SV2C: variants seen among roughly 807,000 people sequenced by gnomAD.
The protein encoded by SV2C is synaptic vesicle glycoprotein 2C, also known as solute carrier family 22 member B3.
Under a neutral mutation model 79.7 loss-of-function variants are expected in SV2C, and 49 were observed. The ratio of observed to expected loss-of-function variants is 0.61; its 90% CI spans 0.49 to 0.78. The LOEUF (loss-of-function observed/expected upper bound fraction) is 0.78, where lower values mean the gene tolerates loss of function less well. Among genes scored for constraint, SV2C ranks in the 30% least tolerant of loss-of-function variants. The pLI is 0.00. For synonymous variants in SV2C, 334 were observed against 333.2 expected, an observed-to-expected ratio of 1.00 and a Z score of -0.03; for missense variants, 833 against 912.9, an observed-to-expected ratio of 0.91 and a Z score of 1.13.
chr5:75,913,464 G>A, the SV2C span, among the ~76,000 whole-genome samples: 3 of 152,206 alleles, frequency 2.0e-5, no homozygotes, highest in African/African-American at 2.4e-5. Context: ...GCTGGAAAGC[G>A]GGGAAATGAT....
chr5:76,240,987 A>T (rs1745767246), intron 4 of SV2C, among the ~76,000 whole-genome samples: 1 of 151,874 alleles, frequency 6.6e-6, no homozygotes, highest in African/African-American at 2.4e-5. Flanking sequence ...ATGGAGTCTC[A>T]CTCTGTCACC....
intron 4 of SV2C, among the ~76,000 whole-genome samples, chr5:76,278,694 A>G (rs115858579): frequency 1.6e-3 from 237 of 152,370 alleles, no homozygotes; most frequent in African/African-American, 5.4e-3. Flanking sequence ...CAAGCCAGTT[A>G]GAGGACCAGC....
chr5:75,902,177 TTGTCGCTCACGCTGGGAGC>T, the SV2C span, among the ~76,000 whole-genome samples: 1 of 152,146 alleles, frequency 6.6e-6, no homozygotes, highest in Non-Finnish European at 1.5e-5. Flanking sequence ...CCCGTCTTCT[TTGTCGCTCACGCTGGGAGC>T]TGTGGACCGG....
intron 4 of SV2C, among the ~76,000 whole-genome samples, chr5:76,251,296 G>A (rs766529686): frequency 3.9e-5 from 6 of 152,100 alleles, no homozygotes; most frequent in Non-Finnish European, 5.9e-5. Context: ...TAATCCCAGC[G>A]CTTTGGGAGA....
At chr5:75,997,380 A>AC in the SV2C span, among the ~76,000 whole-genome samples, 1 of 151,536 alleles carries the variant, frequency 6.6e-6, no homozygotes, top group Non-Finnish European at 1.5e-5. Flanking sequence ...CAGCAAAAAA[A>AC]CCTACCATCA....
chr5:76,021,321 G>T, the SV2C span, among the ~76,000 whole-genome samples: 3 of 152,178 alleles, frequency 2.0e-5, no homozygotes, highest in Admixed American at 6.6e-5. Flanking sequence ...AAACTTGAAT[G>T]TGTGCATTAT....
the SV2C span, among the ~76,000 whole-genome samples, chr5:75,972,465 T>A: frequency 1.3e-5 from 2 of 151,696 alleles, no homozygotes; most frequent in African/African-American, 4.9e-5. Context: ...TACAAAGAAC[T>A]CAAACAAATT....
In SV2C at chr5:76,230,813, G is replaced by GA. The variant is rs70979386; in HGVS notation, c.913+20929dup. Among the ~76,000 whole-genome samples, 351 of 151,842 alleles carry GA rather than the reference G, an allele frequency of 2.3e-3. 2 individuals carry two copies. Among genetic ancestry groups the GA allele is most frequent in the Non-Finnish European group, 3.9e-3 (263 of 67,968 alleles). ...CAGAAGAAAAAAAAAGAAAAGAAAA[G>GA]AAAGAAAGGCAAGAAAGTAAGAAAA... On this transcript the variant is annotated intron_variant, in intron 4 of 12. Coordinates refer to ENST00000502798, the MANE Select transcript of SV2C (RefSeq NM_014979.4).
At chr5:75,967,566 G>A in the SV2C span, among the ~76,000 whole-genome samples, 14 of 152,216 alleles carry the variant, frequency 9.2e-5, no homozygotes, top group Non-Finnish European at 1.3e-4. Context: ...ACAGAGCCTC[G>A]CCCACTGCTA....
At chr5:76,065,710 T>G in the SV2C span, among the ~76,000 whole-genome samples, 2 of 152,218 alleles carry the variant, frequency 1.3e-5, no homozygotes, top group African/African-American at 4.8e-5. Flanking sequence ...TTTATGTTAT[T>G]AGAAACTGTC....
At position 76,245,930 on chromosome 5, in the gene SV2C, GTGTGTA is replaced by G. The variant is rs139878064; in HGVS notation, c.913+36049_913+36054del. On this transcript the variant is annotated intron_variant, in intron 4 of 12. Coordinates refer to ENST00000502798, the MANE Select transcript of SV2C (RefSeq NM_014979.4). Reference sequence around the variant, plus strand: ...CAGGGGAGTGTGTGTGTGTGTGTGTGTGTGTATGTGTGTGTGTGTGTGTGTGTGTGT... The same window carrying G: ...CAGGGGAGTGTGTGTGTGTGTGTGTGTGTGTGTGTGTGTGTGTGTGTGTGT... Among the ~76,000 whole-genome samples the G allele has an allele frequency of 9.1e-5, 13 of 142,568 alleles. No homozygotes were observed. The East Asian group carries it at 1.8e-3, about 19-fold the overall frequency. The allele number at this position is 142,568 out of a possible 152,430, so 93.5% of individuals were successfully genotyped here.
chr5:76,270,770 T>G (rs1049129694), intron 4 of SV2C, among the ~76,000 whole-genome samples: 3 of 151,116 alleles, frequency 2.0e-5, no homozygotes, highest in African/African-American at 7.4e-5. Context: ...TTATTTATTT[T>G]TATTATTTTT....
intron 4 of SV2C, among the ~76,000 whole-genome samples, chr5:76,218,015 A>G (rs1744953993): frequency 6.6e-6 from 1 of 152,208 alleles, no homozygotes; most frequent in Non-Finnish European, 1.5e-5. Context: ...TATGGGCAGC[A>G]CCAGAGCCAA....
intron 2 of SV2C, among the ~76,000 whole-genome samples, chr5:76,150,585 C>G (rs1300531928): frequency 6.6e-6 from 1 of 151,000 alleles, no homozygotes; most frequent in Non-Finnish European, 1.5e-5. Context: ...AGAAAGCACA[C>G]CAGCAGTGGC....
intron 2 of SV2C, among the ~76,000 whole-genome samples, chr5:76,191,754 C>G (rs1392949946): frequency 6.6e-6 from 1 of 152,164 alleles, no homozygotes; most frequent in Non-Finnish European, 1.5e-5. Flanking sequence ...AGACTAAGAG[C>G]CTGGACTGGC....
chr5:76,002,253 G>T, the SV2C span, among the ~76,000 whole-genome samples: 2 of 152,026 alleles, frequency 1.3e-5, no homozygotes, highest in Non-Finnish European at 2.9e-5. Context: ...TTTTGCAATT[G>T]TGAATTGTGT....
At chr5:75,961,515 AATT>A in the SV2C span, among the ~76,000 whole-genome samples, 3 of 151,940 alleles carry the variant, frequency 2.0e-5, no homozygotes, top group African/African-American at 7.2e-5. Context: ...ATAAAATCAT[AATT>A]ATTTTGTTTT....
intron 3 of SV2C, among the ~76,000 whole-genome samples, chr5:76,205,233 G>T (rs1440418899): frequency 6.6e-6 from 1 of 152,010 alleles, no homozygotes; most frequent in African/African-American, 2.4e-5. Context: ...TTCTAGAAAT[G>T]TGTTTAATAC....
the SV2C span, among the ~76,000 whole-genome samples, chr5:75,861,979 A>G: frequency 1.3e-5 from 2 of 152,212 alleles, no homozygotes; most frequent in Non-Finnish European, 2.9e-5. Flanking sequence ...TGAAAGTTGA[A>G]GTTAATTTTA....
Sources: gnomAD v4.1 joint callset for allele counts (sites outside exome capture counted in the v4.1 genomes callset) on GRCh38, gnomAD v4.1.1 for gene constraint, MANE v1.5 for transcripts, NCBI Gene and HGNC (gene_info 2026-07-23, HGNC 2026-07-21) for gene names.